The following NXPE2 variants were observed in gnomAD, a reference collection of about 807,000 sequenced individuals.
The protein encoded by NXPE2 is neurexophilin and PC-esterase domain family member 2.
NXPE2 carries 34 observed loss-of-function variants against 34.4 expected under a neutral mutation model. That is an observed-to-expected ratio of 0.99 (90% CI 0.75 to 1.31). The LOEUF (loss-of-function observed/expected upper bound fraction) is 1.31. Among genes scored for constraint, NXPE2 ranks in the 40% most tolerant of loss-of-function variants. The probability of loss-of-function intolerance (pLI) is 0.00; values close to 1 mark genes in which losing one functional copy is unlikely to be tolerated. For missense variants in NXPE2, 649 were observed against 672.5 expected (o/e 0.97, Z 0.39); for synonymous variants, 235 against 231.3 (o/e 1.02, Z -0.15).
chr11:114,812,827 GA>G, the NXPE2 span, among the ~76,000 whole-genome samples: 1,257 of 152,108 alleles, frequency 8.3e-3, 13 homozygotes, highest in Non-Finnish European at 0.012. Context: ...GAGGAAGTGG[GA>G]AAAAAATAGA....
the NXPE2 span, among the ~76,000 whole-genome samples, chr11:114,465,100 T>A: frequency 6.6e-6 from 1 of 152,210 alleles, no homozygotes. Flanking sequence ...TTGGTTCAAC[T>A]ACTTCGGAGA....
chr11:114,617,400 C>T, the NXPE2 span, among the ~76,000 whole-genome samples: 1 of 151,986 alleles, frequency 6.6e-6, no homozygotes, highest in African/African-American at 2.4e-5. Context: ...ATAAGTATTG[C>T]CTCGTGGGTA....
the NXPE2 span, chr11:114,529,018 T>G: frequency 2.4e-6 from 1 of 413,304 alleles, no homozygotes; most frequent in Admixed American, 3.9e-5. Flanking sequence ...AAAACTTGGA[T>G]AATGAGGTAA....
the NXPE2 span, among the ~76,000 whole-genome samples, chr11:114,641,475 C>A: frequency 5.1e-3 from 779 of 152,058 alleles, 3 homozygotes; most frequent in African/African-American, 0.017. Context: ...AATGAAAGTA[C>A]TTTATATCAA....
chr11:114,716,861 C>T, the NXPE2 span, among the ~76,000 whole-genome samples: 1 of 152,064 alleles, frequency 6.6e-6, no homozygotes, highest in African/African-American at 2.4e-5. Context: ...TGACAAAGAA[C>T]ACTGTCTGTG....
chr11:114,670,864 C>T, the NXPE2 span, among the ~76,000 whole-genome samples: 2,208 of 151,092 alleles, frequency 0.015, 48 homozygotes, highest in African/African-American at 0.05. Context: ...CAGGAGAAAA[C>T]GCAGGCAATG....
the NXPE2 span, among the ~76,000 whole-genome samples, chr11:114,543,443 A>G: frequency 6.6e-6 from 1 of 151,544 alleles, no homozygotes; most frequent in Non-Finnish European, 1.5e-5. Flanking sequence ...AGGCTGAGGC[A>G]GGAAGATGAC....
the NXPE2 span, among the ~76,000 whole-genome samples, chr11:114,803,509 C>G: frequency 1.7e-3 from 257 of 152,036 alleles, 2 homozygotes; most frequent in African/African-American, 6.1e-3. Context: ...TTCTTTTCCT[C>G]ATAGATGGTG....
the NXPE2 span, among the ~76,000 whole-genome samples, chr11:114,663,613 CT>C: frequency 1.0e-5 from 1 of 98,268 alleles, no homozygotes; most frequent in Non-Finnish European, 2.2e-5. Flanking sequence ...ATCTATCTAT[CT>C]ATCTATCTAT....
At chr11:114,711,207 C>T (rs572272296), downstream of NXPE2, among the ~76,000 whole-genome samples, 7 of 152,096 alleles carry the variant, frequency 4.6e-5, no homozygotes, top group Non-Finnish European at 1.0e-4. Context: ...CTTACCACTA[C>T]TATTCAACAT....
At chr11:114,567,322 T>C in the NXPE2 span, among the ~76,000 whole-genome samples, 31,511 of 151,660 alleles carry the variant, frequency 0.21, 4,334 homozygotes, top group African/African-American at 0.38. Context: ...ACCTACTTGT[T>C]CACACCCCTG....
At chr11:114,678,848 G>A (rs1473384347) in intron 1 of NXPE2, among the ~76,000 whole-genome samples, 1 of 151,138 alleles carries the variant, frequency 6.6e-6, no homozygotes, top group Non-Finnish European at 1.5e-5. Context: ...TTTGGGGCGT[G>A]TATGTGTGTG....
At chr11:114,766,343 C>T in the NXPE2 span, among the ~76,000 whole-genome samples, 7 of 152,148 alleles carry the variant, frequency 4.6e-5, no homozygotes, top group Admixed American at 6.5e-5. Context: ...AACCAGCTGA[C>T]GGAAGCATCA....
chr11:114,557,275 C>G, the NXPE2 span, among the ~76,000 whole-genome samples: 1 of 152,066 alleles, frequency 6.6e-6, no homozygotes, highest in Non-Finnish European at 1.5e-5. Flanking sequence ...ATAAAAACTA[C>G]TTTAATAATT....
the NXPE2 span, among the ~76,000 whole-genome samples, chr11:114,725,974 A>ATATATATAT: frequency 0.01 from 333 of 32,804 alleles, 5 homozygotes; most frequent in South Asian, 0.021. Flanking sequence ...TAATAAAAAA[A>ATATATATAT]AAATATATAT....
the NXPE2 span, among the ~76,000 whole-genome samples, chr11:114,531,107 TATA>T: frequency 5.9e-5 from 9 of 151,616 alleles, no homozygotes; most frequent in East Asian, 1.9e-4. Flanking sequence ...ATGATGATGA[TATA>T]ATATTATTAT....
the NXPE2 span, among the ~76,000 whole-genome samples, chr11:114,734,087 AATT>A: frequency 2.6e-5 from 4 of 152,206 alleles, no homozygotes; most frequent in African/African-American, 4.8e-5. Flanking sequence ...ATAGCACCAG[AATT>A]ATTATTTTAA....
the NXPE2 span, among the ~76,000 whole-genome samples, chr11:114,765,971 C>T: frequency 6.6e-6 from 1 of 152,144 alleles, no homozygotes; most frequent in African/African-American, 2.4e-5. Context: ...AGTGACTGGC[C>T]ATCACCTCCA....
the NXPE2 span, among the ~76,000 whole-genome samples, chr11:114,615,353 C>T: frequency 6.6e-6 from 1 of 151,980 alleles, no homozygotes; most frequent in Non-Finnish European, 1.5e-5. Flanking sequence ...AGTTTTGCCT[C>T]GTGGATAACC....
Sources: gnomAD v4.1 joint callset for allele counts (sites outside exome capture counted in the v4.1 genomes callset) on GRCh38, gnomAD v4.1.1 for gene constraint, MANE v1.5 for transcripts, NCBI Gene and HGNC (gene_info 2026-07-23, HGNC 2026-07-21) for gene names.